The following TM9SF2 variants were observed in gnomAD, a reference collection of about 807,000 sequenced individuals.
TM9SF2 encodes 76 kDa membrane protein.
TM9SF2 carries 13 observed loss-of-function variants against 84.9 expected under a neutral mutation model. The ratio of observed to expected loss-of-function variants is 0.15; its 90% confidence interval spans 0.10 to 0.24. The LOEUF is 0.24. TM9SF2 is among the 10% of genes least tolerant of loss of function. The pLI, the probability that TM9SF2 is intolerant of heterozygous loss-of-function variation, is 1.00. For synonymous variants in TM9SF2, 273 were observed against 285.8 expected (o/e 0.96, Z 0.45); for missense variants, 562 against 818.5 (o/e 0.69, Z 3.82).
At chr13:99,547,395 A>G (rs763292642) in intron 11 of TM9SF2, among the ~76,000 whole-genome samples, 1 of 152,134 alleles carries the variant, frequency 6.6e-6, no homozygotes, top group African/African-American at 2.4e-5. Context: ...AACAGCTTAG[A>G]TTTGCTGTGT....
At chr13:99,543,401 C>A (rs146886905) in intron 9 of TM9SF2, among the ~76,000 whole-genome samples, 1 of 152,294 alleles carries the variant, frequency 6.6e-6, no homozygotes, top group East Asian at 1.9e-4. Flanking sequence ...TTAAACAGAG[C>A]CGAGCTTATA....
chr13:99,546,762 C>CT (rs1190260763), intron 10 of TM9SF2, among the ~76,000 whole-genome samples: 1 of 152,140 alleles, frequency 6.6e-6, no homozygotes, highest in Non-Finnish European at 1.5e-5. Context: ...ATTCTGGACT[C>CT]TGAGAAGAAA....
At chr13:99,539,320 A>AGT (rs2046248295) in intron 6 of TM9SF2, 126 bp from the exon 7 acceptor site, 1 of 671,066 alleles carries the variant, frequency 1.5e-6, no homozygotes. Context: ...TATGCTATTA[A>AGT]GTGTGACATG....
intron 1 of TM9SF2, among the ~76,000 whole-genome samples, chr13:99,506,589 A>G (rs1269170432): frequency 1.3e-5 from 2 of 152,264 alleles, no homozygotes; most frequent in African/African-American, 2.4e-5. Flanking sequence ...TGTTCATTAT[A>G]GTGAATCTGA....
At chr13:99,502,651 A>G in intron 1 of TM9SF2, among the ~76,000 whole-genome samples, 1 of 152,246 alleles carries the variant, frequency 6.6e-6, no homozygotes, top group Non-Finnish European at 1.5e-5. Flanking sequence ...TTTAGGTTAT[A>G]TGGTGTAGGG....
At chr13:99,540,648 T>C in intron 7 of TM9SF2, 66 bp from the exon 8 acceptor site, 2 of 1,179,372 alleles carry the variant, frequency 1.7e-6, no homozygotes, top group East Asian at 2.6e-5. Flanking sequence ...TTGAATGGGA[T>C]TTTTTTTTGT....
intron 4 of TM9SF2, among the ~76,000 whole-genome samples, chr13:99,533,711 T>C (rs1461309195): frequency 6.6e-6 from 1 of 152,204 alleles, no homozygotes; most frequent in African/African-American, 2.4e-5. Context: ...CAGGCTGGAG[T>C]GCAGTGGCAC....
intron 3 of TM9SF2, among the ~76,000 whole-genome samples, chr13:99,528,239 G>T (rs142042324): frequency 2.0e-5 from 3 of 152,220 alleles, no homozygotes; most frequent in African/African-American, 7.2e-5. Context: ...GCAGGGTGTT[G>T]TGCTGAAGAG....
intron 1 of TM9SF2, 54 bp downstream of exon 1, chr13:99,501,831 C>A: frequency 6.4e-7 from 1 of 1,559,828 alleles, no homozygotes; most frequent in South Asian, 1.2e-5. Context: ...GAAGTCGTCC[C>A]TATCCGGGGG....
chr13:99,547,953 G>A (rs2046290590), intron 11 of TM9SF2, among the ~76,000 whole-genome samples: 2 of 152,226 alleles, frequency 1.3e-5, no homozygotes, highest in African/African-American at 4.8e-5. Flanking sequence ...TCTTGAGTAT[G>A]TGAAGCCCTG....
At chr13:99,516,221 T>C (rs1457827896) in intron 1 of TM9SF2, among the ~76,000 whole-genome samples, 3 of 152,196 alleles carry the variant, frequency 2.0e-5, no homozygotes, top group Admixed American at 2.0e-4. Flanking sequence ...TTTGCTGCCT[T>C]TCTGGTGGCA....
intron 16 of TM9SF2, among the ~76,000 whole-genome samples, chr13:99,561,149 A>G (rs1461192083): frequency 6.6e-6 from 1 of 152,226 alleles, no homozygotes; most frequent in Non-Finnish European, 1.5e-5. Context: ...AGCATTCTGG[A>G]TAAGGGAGTA....
chr13:99,555,405 A>T lies in TM9SF2; in HGVS notation c.1641-131A>T, dbSNP rs1369144789. The T allele has an allele frequency of 3.6e-5, 24 of 659,994 alleles. No homozygotes were observed. In the East Asian group the frequency reaches 6.7e-4, roughly 18 times the overall value. The allele number at this position is 659,994 out of a possible 1,614,324, so 40.9% of individuals were successfully genotyped here. On this transcript the variant is annotated intron_variant, in intron 14 of 16. Transcript: ENST00000376387. ...CACCCCATCACCATCCCAACCTGTG[A>T]TAATTCGTCTTGTTTGGTTAGTTGA...
At chr13:99,532,196 C>T (rs1261208467) in intron 4 of TM9SF2, among the ~76,000 whole-genome samples, 1 of 151,816 alleles carries the variant, frequency 6.6e-6, no homozygotes, top group Non-Finnish European at 1.5e-5. Flanking sequence ...GGACTACAGG[C>T]GCCCGCCACC....
At chr13:99,544,308 A>C (rs2046273478) in intron 10 of TM9SF2, among the ~76,000 whole-genome samples, 1 of 148,616 alleles carries the variant, frequency 6.7e-6, no homozygotes, top group East Asian at 1.9e-4. Flanking sequence ...GCGCCACTGC[A>C]CTCCAGCCTG....
chr13:99,534,281 T>C (rs546543528), intron 4 of TM9SF2, among the ~76,000 whole-genome samples: 5 of 152,208 alleles, frequency 3.3e-5, no homozygotes, highest in Non-Finnish European at 4.4e-5. Context: ...GAAGATACTT[T>C]AGTGAGTTCC....
chr13:99,503,707 CT>C (rs2046076541), intron 1 of TM9SF2, among the ~76,000 whole-genome samples: 1 of 79,172 alleles, frequency 1.3e-5, no homozygotes, highest in Non-Finnish European at 2.4e-5. Flanking sequence ...GAGACTTTGT[CT>C]CAAAAAAAAA....
intron 6 of TM9SF2, 139 bp downstream of exon 6, chr13:99,538,002 T>G: frequency 8.0e-7 from 1 of 1,251,716 alleles, no homozygotes. Flanking sequence ...GCATGATTTG[T>G]TATTGTTATG....
chr13:99,541,693 G>T, intron 9 of TM9SF2, 26 bp downstream of exon 9: 2 of 1,474,256 alleles, frequency 1.4e-6, no homozygotes, highest in Non-Finnish European at 1.9e-6. Flanking sequence ...TTAGTCTTTA[G>T]TCTGCCAAGG....
Sources: allele counts gnomAD v4.1 joint callset (sites outside exome capture counted in the v4.1 genomes callset), GRCh38; gene constraint gnomAD v4.1.1; transcripts MANE v1.5; gene names NCBI Gene and HGNC (gene_info 2026-07-23, HGNC 2026-07-21).